MICAL2: variants seen among roughly 807,000 people sequenced by gnomAD.
The protein encoded by MICAL2 is microtubule associated monooxygenase, calponin and LIM domain containing 2.
MICAL2 carries 77 observed loss-of-function variants against 127.3 expected under a neutral mutation model. That is an observed-to-expected ratio of 0.60 (90% CI 0.50 to 0.73). MICAL2 has a LOEUF of 0.73. Among genes scored for constraint, MICAL2 ranks in the 30% least tolerant of loss-of-function variants. The probability of loss-of-function intolerance (pLI) is 0.00; values close to 1 mark genes in which losing one functional copy is unlikely to be tolerated. For missense variants in MICAL2, 1,351 were observed against 1,434.4 expected (o/e 0.94, Z 0.94); for synonymous variants, 570 against 551.1 (o/e 1.03, Z -0.48).
intron 3 of MICAL2, among the ~76,000 whole-genome samples, chr11:12,195,210 T>C (rs566479904): frequency 1.3e-5 from 2 of 152,296 alleles, no homozygotes; most frequent in Admixed American, 6.5e-5. Flanking sequence ...TGAGCCGTGA[T>C]TGTGGCACTG....
rs372032102 is a variant in MICAL2 at position 12,165,116 on chromosome 11, G to A, written c.264+2697G>A. Among the ~76,000 whole-genome samples the A allele has an allele frequency of 4.1e-5, 6 of 146,082 alleles. No homozygotes were observed. In the South Asian group the frequency reaches 6.5e-4, roughly 16 times the overall value. ...ATCACACCGCTGCACTCCAGCCTGG[G>A]TGACAGAGCGAGACTCCATCTCAAA... On this transcript the variant is annotated intron_variant, in intron 3 of 27. Coordinates refer to ENST00000683283, the MANE Select transcript of MICAL2 (RefSeq NM_001282663.2).
intron 29 of MICAL2, among the ~76,000 whole-genome samples, chr11:12,312,835 G>A (rs1864189059): frequency 6.6e-6 from 1 of 152,070 alleles, no homozygotes; most frequent in Non-Finnish European, 1.5e-5. Context: ...CCTTTATTTT[G>A]GGTATGGGGC....
intron 3 of MICAL2, among the ~76,000 whole-genome samples, chr11:12,200,143 C>T (rs1022450023): frequency 7.9e-5 from 12 of 152,176 alleles, no homozygotes; most frequent in Non-Finnish European, 1.6e-4. Context: ...ATACAGAGGA[C>T]AGGGGCAGCC....
At chr11:12,236,301 C>T in intron 16 of MICAL2, 56 bp downstream of exon 16, 1 of 1,507,594 alleles carries the variant, frequency 6.6e-7, no homozygotes, top group South Asian at 1.1e-5. Context: ...AACCAGTGGC[C>T]ACAGGCAGCC....
At chr11:12,259,681 G>T in intron 25 of MICAL2, 114 bp from the exon 26 acceptor site, 1 of 945,016 alleles carries the variant, frequency 1.1e-6, no homozygotes, top group East Asian at 2.8e-5. Flanking sequence ...TGAGATTATT[G>T]TGGGGGCTGG....
intron 1 of MICAL2, among the ~76,000 whole-genome samples, chr11:12,277,614 G>T (rs760441008): frequency 1.3e-5 from 2 of 152,178 alleles, no homozygotes; most frequent in Non-Finnish European, 2.9e-5. Flanking sequence ...CTAAGAGAAG[G>T]TCGGTGCGGC....
chr11:12,330,879 G>C (rs36019835), intron 32 of MICAL2, among the ~76,000 whole-genome samples: 40,218 of 123,994 alleles, frequency 0.32, 6,102 homozygotes, highest in Non-Finnish European at 0.46. Flanking sequence ...GAGAGAGAGA[G>C]AGACAGAGAG....
chr11:12,328,003 TG>T (rs1864374263), intron 32 of MICAL2, among the ~76,000 whole-genome samples: 2 of 152,118 alleles, frequency 1.3e-5, no homozygotes, highest in Non-Finnish European at 2.9e-5. Flanking sequence ...ATGGGGATAA[TG>T]GTGGTTTTCT....
chr11:12,289,567 T>G (rs893450295), downstream of MICAL2, among the ~76,000 whole-genome samples: 11 of 63,428 alleles, frequency 1.7e-4, no homozygotes, highest in African/African-American at 7.2e-4. Flanking sequence ...TTTTTTTTTG[T>G]TTTTTTTTTT....
intron 15 of MICAL2, among the ~76,000 whole-genome samples, chr11:12,232,821 T>C (rs1254376850): frequency 2.0e-5 from 3 of 152,250 alleles, no homozygotes; most frequent in African/African-American, 7.2e-5. Context: ...GCAGTTTTGC[T>C]TTCTAGGGTT....
intron 1 of MICAL2, among the ~76,000 whole-genome samples, chr11:12,117,314 T>C (rs1850121203): frequency 6.6e-6 from 1 of 152,128 alleles, no homozygotes; most frequent in Non-Finnish European, 1.5e-5. Context: ...TTCTGGGACA[T>C]CTCCAGACCT....
At chr11:12,211,396 A>G (rs1016358716) in intron 6 of MICAL2, among the ~76,000 whole-genome samples, 2 of 152,190 alleles carry the variant, frequency 1.3e-5, no homozygotes, top group African/African-American at 4.8e-5. Flanking sequence ...AAAACAAAAC[A>G]AAACAAAAAA....
chr11:12,306,899 G>A lies in MICAL2; in HGVS notation c.5212+12042G>A, dbSNP rs544676074. On this transcript the variant is annotated intron_variant, in intron 29 of 34. Transcript: ENST00000646065. ...GAGATGGGGTTTAGTTTTTGAATGCGAATAAAGCTTCTATGAACATTAATG... is the reference window on the plus strand; with the variant it reads ...GAGATGGGGTTTAGTTTTTGAATGCAAATAAAGCTTCTATGAACATTAATG... Among the ~76,000 whole-genome samples, 149 of 152,280 alleles carry A rather than the reference G, an allele frequency of 9.8e-4. 1 individual carries two copies. Among genetic ancestry groups the A allele is most frequent in the Non-Finnish European group, 1.5e-3 (99 of 68,014 alleles).
At chr11:12,174,506 C>A (rs1033731711) in intron 3 of MICAL2, among the ~76,000 whole-genome samples, 3 of 152,052 alleles carry the variant, frequency 2.0e-5, no homozygotes, top group African/African-American at 7.2e-5. Flanking sequence ...GTGACATATG[C>A]CAGAATTTCC....
At chr11:12,245,699 T>G (rs755829353) in intron 21 of MICAL2, among the ~76,000 whole-genome samples, 2 of 152,200 alleles carry the variant, frequency 1.3e-5, no homozygotes, top group African/African-American at 4.8e-5. Flanking sequence ...TGTCTGGGCC[T>G]CCTCCTCCTC....
At position 12,216,258 on chromosome 11, in the gene MICAL2, C is replaced by T. The variant is rs754764917; in HGVS notation, c.887C>T (p.Thr296Ile). 3.3e-5 allele frequency: 53 copies of T among 1,613,862 alleles called. No homozygotes were observed. The highest frequency in any genetic ancestry group is 4.3e-5 in the Non-Finnish European group (51 of 1,179,838). ...LENIVYYKDC[T>I]HYFVMTAKKQ... ...AACATTGTTTACTACAAGGACTGCA[C>T]CCACTATTTTGTAATGACAGCCAAG... The change falls in exon 8 of 28, where the codon ACC becomes ATC. Residue 296 changes from threonine to isoleucine, a missense_variant. By Grantham distance (89) the Thr-to-Ile change is moderately conservative. This residue lies in a region of MICAL2 where 599 missense variants were observed against 714.9 expected (regional missense o/e 0.84). Coordinates refer to ENST00000683283, the MANE Select transcript of MICAL2 (RefSeq NM_001282663.2).
intron 6 of MICAL2, among the ~76,000 whole-genome samples, chr11:12,212,162 A>G (rs1855554099): frequency 6.6e-6 from 1 of 152,192 alleles, no homozygotes. Context: ...GGTGCGCTTC[A>G]GTTATTGCTG....
chr11:12,270,328 C>T (rs185540402), intron 24 of MICAL2, among the ~76,000 whole-genome samples: 2 of 152,190 alleles, frequency 1.3e-5, no homozygotes, highest in Non-Finnish European at 2.9e-5. Flanking sequence ...GTATCCCTTG[C>T]AAACTACATT....
intron 1 of MICAL2, among the ~76,000 whole-genome samples, chr11:12,119,961 A>T (rs953552875): frequency 1.3e-5 from 2 of 152,112 alleles, no homozygotes; most frequent in African/African-American, 4.8e-5. Flanking sequence ...TCCATCTACC[A>T]TTTCCCACCA....
Sources: allele counts gnomAD v4.1 joint callset (sites outside exome capture counted in the v4.1 genomes callset), GRCh38; gene constraint gnomAD v4.1.1; regional missense constraint gnomAD v4.1.1; transcripts MANE v1.5; gene names NCBI Gene and HGNC (gene_info 2026-07-23, HGNC 2026-07-21).